The following CKAP5 variants were observed in gnomAD, a reference collection of about 807,000 sequenced individuals.
CKAP5 encodes cytoskeleton-associated protein 5.
A neutral mutation model predicts 232.8 loss-of-function variants in CKAP5; 27 were observed. That is an observed-to-expected ratio of 0.12 (90% confidence interval 0.09 to 0.16). CKAP5 has a LOEUF of 0.16. Ranked by LOEUF, CKAP5 falls within the 10% of genes least tolerant of loss-of-function variation. The pLI is 1.00. For synonymous variants in CKAP5, 785 were observed against 841.1 expected, an observed-to-expected ratio of 0.93 and a Z score of 1.16; for missense variants, 1,838 against 2,424.7, an observed-to-expected ratio of 0.76 and a Z score of 5.08.
chr11:46,842,690 G>A (rs368617299), intron 1 of CKAP5, among the ~76,000 whole-genome samples: 3 of 152,186 alleles, frequency 2.0e-5, no homozygotes, highest in Admixed American at 1.3e-4. Flanking sequence ...AAGGTAGGCC[G>A]GGCGCGGTGG....
intron 35 of CKAP5, among the ~76,000 whole-genome samples, chr11:46,758,111 A>G (rs1030257806): frequency 6.6e-6 from 1 of 152,050 alleles, no homozygotes; most frequent in Non-Finnish European, 1.5e-5. Context: ...ATAAAATCCA[A>G]ACAACTCACC....
chr11:46,827,311 A>G (rs1197511666), intron 1 of CKAP5, among the ~76,000 whole-genome samples: 1 of 152,172 alleles, frequency 6.6e-6, no homozygotes, highest in Non-Finnish European at 1.5e-5. Context: ...AAAGGCCTGG[A>G]AAAGATCCTA....
At chr11:46,802,567 C>T (rs11038997) in intron 8 of CKAP5, among the ~76,000 whole-genome samples, 7 of 151,244 alleles carry the variant, frequency 4.6e-5, no homozygotes, top group Non-Finnish European at 7.4e-5. Context: ...GACACACACA[C>T]ACACACACAC....
intron 8 of CKAP5, among the ~76,000 whole-genome samples, chr11:46,806,148 C>T (rs987117181): frequency 2.0e-5 from 3 of 152,100 alleles, no homozygotes; most frequent in Non-Finnish European, 2.9e-5. Flanking sequence ...TCTACTGCTA[C>T]CCTAGATCTC....
rs368599923 is a variant in CKAP5, at chr11:46,763,458, A to G, written c.3687+23T>C. ...ATTTTTACATGTCTGAAATACATGTATATTTATCTATTGCAGACTTACATC... is the reference window on the plus strand; with the variant it reads ...ATTTTTACATGTCTGAAATACATGTGTATTTATCTATTGCAGACTTACATC... On this transcript the variant is annotated intron_variant, in intron 29 of 43. Coordinates refer to ENST00000529230, the MANE Select transcript of CKAP5 (RefSeq NM_001008938.4). The G allele has an allele frequency of 4.5e-6, 7 of 1,569,500 alleles. No individual in the cohort carries two copies. In the Admixed American group the frequency reaches 6.2e-5, roughly 14 times the overall value.
Position 46,762,701 on chromosome 11 carries a change from A to G in CKAP5, c.3953T>C (p.Leu1318Pro). The G allele has an allele frequency of 6.2e-7, 1 of 1,614,070 alleles. No homozygotes were observed. The highest frequency in any genetic ancestry group is 8.5e-7 in the Non-Finnish European group (1 of 1,179,922). The change falls in exon 31 of 44, where the codon CTT becomes CCT. Residue 1318 changes from leucine to proline, a missense_variant. By Grantham distance (98) the Leu-to-Pro change is moderately conservative (BLOSUM62 -3). Transcript: ENST00000529230. Reference sequence around the variant, plus strand: ...AAACATCTTGCTAGCTGGGTAGACAAGGCACATCCGGTTCAGGATGGCACG... The same window carrying G: ...AAACATCTTGCTAGCTGGGTAGACAGGGCACATCCGGTTCAGGATGGCACG... Reference protein sequence around the residue: ...DVRAILNRMCLVYPASKMFPF... With the variant: ...DVRAILNRMCPVYPASKMFPF...
At chr11:46,844,415 A>AAAAC (rs530778276) in intron 1 of CKAP5, among the ~76,000 whole-genome samples, 20 of 152,262 alleles carry the variant, frequency 1.3e-4, no homozygotes, top group South Asian at 4.1e-4. Flanking sequence ...GTGAAGGTAA[A>AAAAC]AAACAAACAA....
intron 11 of CKAP5, 56 bp downstream of exon 11, chr11:46,797,749 G>C: frequency 1.3e-6 from 2 of 1,522,906 alleles, no homozygotes; most frequent in South Asian, 2.5e-5. Context: ...TAATTTGCAG[G>C]AAAAGAATCT....
chr11:46,760,815 T>G (rs2065148242), intron 32 of CKAP5, 31 bp from the exon 33 acceptor site: 2 of 1,581,974 alleles, frequency 1.3e-6, no homozygotes, highest in East Asian at 4.5e-5. Context: ...GAAACCTAAC[T>G]GGATAACACA....
intron 17 of CKAP5, among the ~76,000 whole-genome samples, chr11:46,783,762 G>A (rs1360755718): frequency 6.6e-6 from 1 of 151,946 alleles, no homozygotes; most frequent in South Asian, 2.1e-4. Context: ...CTGGAGTACA[G>A]TGGCGTGATC....
chr11:46,838,237 A>T (rs111235003), intron 1 of CKAP5, among the ~76,000 whole-genome samples: 259 of 152,294 alleles, frequency 1.7e-3, no homozygotes, highest in African/African-American at 5.6e-3. Context: ...AAATTTTTTT[A>T]AAAAATTCAG....
At chr11:46,818,603 C>A (rs780073469) in intron 2 of CKAP5, 100 bp from the exon 3 acceptor site, 2 of 864,918 alleles carry the variant, frequency 2.3e-6, no homozygotes, top group South Asian at 2.5e-5. Flanking sequence ...AATGAATATC[C>A]TATGTCAGGT....
At chr11:46,767,444 A>G in intron 27 of CKAP5, 131 bp downstream of exon 27, 1 of 540,896 alleles carries the variant, frequency 1.8e-6, no homozygotes, top group Non-Finnish European at 3.1e-6. Flanking sequence ...AGAAATTTGT[A>G]TAAATAATTT....
chr11:46,813,900 C>T (rs771997197), intron 4 of CKAP5, among the ~76,000 whole-genome samples: 4 of 151,560 alleles, frequency 2.6e-5, no homozygotes, highest in Non-Finnish European at 4.4e-5. Context: ...TTTGGGAGGC[C>T]GAGGTGGGAT....
intron 27 of CKAP5, among the ~76,000 whole-genome samples, 185 bp from the exon 28 acceptor site, chr11:46,765,441 T>C (rs753599471): frequency 6.6e-6 from 1 of 152,202 alleles, no homozygotes; most frequent in Non-Finnish European, 1.5e-5. Flanking sequence ...GAAATTTTTC[T>C]GAGAATATTC....
Position 46,809,415 on chromosome 11 carries a change from G to C in CKAP5, c.849C>G (p.Asp283Glu). 6.2e-7 allele frequency: 1 copy of C among 1,602,504 alleles called. No individual in the cohort carries two copies. Among genetic ancestry groups the C allele is most frequent in the Non-Finnish European group, 8.5e-7 (1 of 1,172,320 alleles). ...TATTACTTACAATTTTGTCATAAAA[G>C]TCTTTGGGAAGTTTGGAAAGGATTT... ...AVEILSKLPK[D>E]FYDKIEAKKW... The change falls in exon 7 of 44, where the codon GAC (aspartate) becomes GAG (glutamate). Residue 283 changes from aspartate (D) to glutamate (E), a missense_variant. This residue lies in a region of CKAP5 where 97 missense variants were observed against 167.7 expected (regional missense o/e 0.58). Transcript: ENST00000529230.
intron 1 of CKAP5, among the ~76,000 whole-genome samples, chr11:46,831,545 T>C (rs1228773629): frequency 6.6e-6 from 1 of 152,182 alleles, no homozygotes. Flanking sequence ...TTTTTGTTTT[T>C]TGAGACAGGG....
intron 4 of CKAP5, among the ~76,000 whole-genome samples, chr11:46,812,204 G>A (rs1398744639): frequency 3.9e-5 from 6 of 152,036 alleles, no homozygotes; most frequent in East Asian, 1.9e-4. Flanking sequence ...GATAGTGGGC[G>A]CCTGTAATCC....
chr11:46,763,333 CATTT>C (rs1299378380), intron 29 of CKAP5, 144 bp downstream of exon 29: 13 of 949,986 alleles, frequency 1.4e-5, no homozygotes, highest in Non-Finnish European at 2.0e-5. Flanking sequence ...CACACACATT[CATTT>C]ATTCTACCAA....
Sources: allele counts gnomAD v4.1 joint callset (sites outside exome capture counted in the v4.1 genomes callset), GRCh38; gene constraint gnomAD v4.1.1; regional missense constraint gnomAD v4.1.1; transcripts MANE v1.5; gene names NCBI Gene and HGNC (gene_info 2026-07-23, HGNC 2026-07-21).